The following PLXNA4 variants were observed in gnomAD, a reference collection of about 807,000 sequenced individuals.
The protein encoded by PLXNA4 is plexin A4, also known as plexin-A4.
PLXNA4 carries 44 observed loss-of-function variants against 191.8 expected under a neutral mutation model. The observed-to-expected ratio is 0.23, with a 90% CI of 0.18 to 0.29. The LOEUF is 0.29. Ranked by LOEUF, PLXNA4 falls within the 10% of genes least tolerant of loss-of-function variation. PLXNA4 has a pLI of 1.00. For synonymous variants in PLXNA4, 1,082 were observed against 1,009.5 expected, an observed-to-expected ratio of 1.07 and a Z score of -1.36; for missense variants, 1,800 against 2,488.8, an observed-to-expected ratio of 0.72 and a Z score of 5.89.
At chr7:132,612,292 A>G (rs772993009) in intron 2 of PLXNA4, among the ~76,000 whole-genome samples, 7 of 152,298 alleles carry the variant, frequency 4.6e-5, no homozygotes, top group Admixed American at 1.3e-4. Flanking sequence ...TTTACTAAGA[A>G]TGGAAGGAAC....
At chr7:132,167,995 C>G (rs1796170462) in intron 22 of PLXNA4, among the ~76,000 whole-genome samples, 1 of 152,150 alleles carries the variant, frequency 6.6e-6, no homozygotes, top group Non-Finnish European at 1.5e-5. Flanking sequence ...CTGAAGATTC[C>G]ATGAGAGGAG....
chr7:132,182,408 C>G (rs1374342059), intron 16 of PLXNA4, among the ~76,000 whole-genome samples: 2 of 152,094 alleles, frequency 1.3e-5, no homozygotes, highest in African/African-American at 2.4e-5. Context: ...CGTGGCCATC[C>G]TTTGCTGAGT....
intron 3 of PLXNA4, among the ~76,000 whole-genome samples, chr7:132,425,264 A>T (rs1201669812): frequency 6.6e-6 from 1 of 152,182 alleles, no homozygotes; most frequent in Non-Finnish European, 1.5e-5. Flanking sequence ...TTGGAGAAAT[A>T]CACCTAATTA....
At chr7:132,473,235 C>A (rs1304730910) in intron 3 of PLXNA4, among the ~76,000 whole-genome samples, 10 of 152,224 alleles carry the variant, frequency 6.6e-5, no homozygotes, top group Admixed American at 2.6e-4. Context: ...GCTACCTCTG[C>A]ATGGCTCTGA....
chr7:132,514,193 A>G (rs577558893), intron 1 of PLXNA4, among the ~76,000 whole-genome samples: 2 of 151,892 alleles, frequency 1.3e-5, no homozygotes, highest in Non-Finnish European at 2.9e-5. Flanking sequence ...CTAGGACTAC[A>G]GGCGCCCGCC....
At chr7:132,624,766 C>T (rs576531222) in intron 2 of PLXNA4, among the ~76,000 whole-genome samples, 74 of 152,126 alleles carry the variant, frequency 4.9e-4, no homozygotes, top group Non-Finnish European at 1.0e-3. Flanking sequence ...AAAGGCTGCC[C>T]TATTTAGGCT....
intron 1 of PLXNA4, among the ~76,000 whole-genome samples, chr7:132,554,583 G>A (rs1390192465): frequency 6.6e-6 from 1 of 152,194 alleles, no homozygotes; most frequent in Non-Finnish European, 1.5e-5. Flanking sequence ...AGATTTCACT[G>A]ATTTCAAAGC....
intron 1 of PLXNA4, among the ~76,000 whole-genome samples, chr7:132,562,659 C>T (rs1262761904): frequency 2.7e-5 from 3 of 112,786 alleles, no homozygotes; most frequent in African/African-American, 7.7e-5. Context: ...CCTCCTCCTC[C>T]TTCTCTTCCT....
chr7:132,201,738 AG>A (rs1797441377), intron 12 of PLXNA4, among the ~76,000 whole-genome samples: 2 of 152,198 alleles, frequency 1.3e-5, no homozygotes, highest in South Asian at 4.1e-4. Flanking sequence ...AGAGGGAGCA[AG>A]GGACTCCAGC....
chr7:132,577,187 GCCCCCGGCC>G (rs2116803157), upstream of PLXNA4: 1 of 147,248 alleles, frequency 6.8e-6, no homozygotes, highest in East Asian at 2.0e-4. Context: ...TCCCGGGCGC[GCCCCCGGCC>G]CCCCGGGCGG....
intron 3 of PLXNA4, among the ~76,000 whole-genome samples, chr7:132,405,931 AAAG>A (rs1248601989): frequency 6.6e-6 from 1 of 152,210 alleles, no homozygotes; most frequent in Non-Finnish European, 1.5e-5. Flanking sequence ...ATTCCATTTA[AAAG>A]AAGGTTGGCC....
intron 3 of PLXNA4, among the ~76,000 whole-genome samples, chr7:132,483,705 C>A (rs1189797389): frequency 2.0e-5 from 3 of 152,110 alleles, no homozygotes; most frequent in African/African-American, 7.2e-5. Flanking sequence ...ACATATGATT[C>A]AAAAAAGTGG....
At chr7:132,182,220 AATG>A (rs1170704090) in intron 16 of PLXNA4, 30 bp from the exon 17 acceptor site, 1 of 1,612,492 alleles carries the variant, frequency 6.2e-7, no homozygotes, top group Non-Finnish European at 8.5e-7. Context: ...GAGATGTGTA[AATG>A]ATAAGTTCAG....
In PLXNA4 at chr7:132,147,516, A is replaced by T. The variant is rs147606695; in HGVS notation, c.4864+384T>A. 2.8e-3 allele frequency among the ~76,000 whole-genome samples: 423 copies of T among 152,318 alleles called. 5 individuals are homozygous for T. The highest frequency in any genetic ancestry group is 9.7e-3 in the African/African-American group (403 of 41,558). On this transcript the variant is annotated intron_variant, in intron 27 of 31. Coordinates refer to ENST00000321063, the MANE Select transcript of PLXNA4 (RefSeq NM_020911.2). ...CTGTACCTGCACTCCACTGCAAAAT[A>T]ACAGTGGCTCTTACAAATCATTTAG...
At chr7:132,481,880 G>A (rs745766403) in intron 3 of PLXNA4, among the ~76,000 whole-genome samples, 1 of 152,184 alleles carries the variant, frequency 6.6e-6, no homozygotes, top group African/African-American at 2.4e-5. Flanking sequence ...CCTCACCCCT[G>A]GTCCTGTGGG....
chr7:132,266,061 C>G lies in PLXNA4; in HGVS notation c.1504-24895G>C, dbSNP rs534043480. Among the ~76,000 whole-genome samples, 11 of 152,266 alleles carry G rather than the reference C, an allele frequency of 7.2e-5. No individual in the cohort carries two copies. The East Asian group carries it at 1.2e-3, about 16-fold the overall frequency. On this transcript the variant is annotated intron_variant, in intron 4 of 31. Transcript: ENST00000321063. ...GCAGACATCAAATCCCATGATAAAG[C>G]CTTGTTTCCCTATGTTCACTGGGCT...
chr7:132,255,996 A>C (rs145527951), intron 4 of PLXNA4, among the ~76,000 whole-genome samples: 2 of 152,344 alleles, frequency 1.3e-5, no homozygotes, highest in Middle Eastern at 3.4e-3. Context: ...TCTGTGAACA[A>C]GCATAACCAA....
At chr7:132,507,393 A>C in intron 2 of PLXNA4, 113 bp downstream of exon 2, 29 of 1,105,506 alleles carry the variant, frequency 2.6e-5, no homozygotes, top group South Asian at 4.9e-5. Context: ...GATGGGATAT[A>C]CTCACTTCAT....
chr7:132,301,941 G>C (rs1801323081), intron 3 of PLXNA4, among the ~76,000 whole-genome samples: 1 of 152,112 alleles, frequency 6.6e-6, no homozygotes, highest in Non-Finnish European at 1.5e-5. Flanking sequence ...TCTGTGCCTT[G>C]CCCCAAGTTC....
Sources: allele counts gnomAD v4.1 joint callset (sites outside exome capture counted in the v4.1 genomes callset), GRCh38; gene constraint gnomAD v4.1.1; transcripts MANE v1.5; gene names NCBI Gene and HGNC (gene_info 2026-07-23, HGNC 2026-07-21).